Variants in NOS3 observed in about 807,000 individuals in gnomAD.
The protein encoded by NOS3 is NOS type III.
In NOS3, 98 loss-of-function variants were observed where a neutral mutation model predicts 144.9. That is an observed-to-expected ratio of 0.68 (90% confidence interval 0.57 to 0.80). The LOEUF (loss-of-function observed/expected upper bound fraction) is 0.80, where lower values mean the gene tolerates loss of function less well. Among genes scored for constraint, NOS3 ranks in the 30% least tolerant of loss-of-function variants. NOS3 has a pLI of 0.00. For synonymous variants in NOS3, 714 were observed against 702.4 expected, an observed-to-expected ratio of 1.02 and a Z score of -0.26; for missense variants, 1,465 against 1,656.4, an observed-to-expected ratio of 0.88 and a Z score of 2.01.
chr7:151,006,524 G>A, intron 15 of NOS3, 30 bp downstream of exon 15: 3 of 1,581,120 alleles, frequency 1.9e-6, no homozygotes, highest in Non-Finnish European at 2.6e-6. Flanking sequence ...GGGGGAGCTG[G>A]GGGAGCTGAT....
intron 9 of NOS3, 109 bp downstream of exon 9, chr7:150,999,473 A>G: frequency 1.6e-6 from 2 of 1,236,086 alleles, no homozygotes; most frequent in Non-Finnish European, 2.2e-6. Flanking sequence ...GAGCAGGTCC[A>G]GGGTTGCCTC....
At position 151,013,787 on chromosome 7, in the gene NOS3, G is replaced by C; in HGVS notation, c.3319G>C (p.Glu1107Gln). The change falls in exon 26 of 27, where the codon GAG (glutamate) becomes CAG (glutamine). Residue 1107 changes from glutamate to glutamine, a missense_variant. By Grantham distance (29) the Glu-to-Gln change is conservative. Transcript: ENST00000297494. ...AAEVHRVLCLERGHMFVCGDV... is the reference protein window; with the variant it reads ...AAEVHRVLCLQRGHMFVCGDV... ...GGAGGTGCACCGCGTGCTGTGCCTC[G>C]AGCGGGGCCACATGTTTGTCTGCGG... The C allele has an allele frequency of 1.2e-6, 2 of 1,611,402 alleles. No homozygotes were observed. Among genetic ancestry groups the C allele is most frequent in the African/African-American group, 1.3e-5 (1 of 75,028 alleles).
Position 151,014,124 on chromosome 7 carries a change from G to A in NOS3, c.3567G>A (p.Val1189=). ...AGGAGCGTCAGTTGCGGGGCGCAGT[G>A]CCCTGGGCGTTCGACCCTCCCGGCT... ...SLQERQLRGA[V]PWAFDPPGSD... is the part of the protein sequence containing the mutation. Residue 1189 remains valine, a synonymous_variant, in exon 27 of 27, where the codon GTG becomes GTA. Transcript: ENST00000297494. The A allele has an allele frequency of 6.2e-7, 1 of 1,612,340 alleles. No individual in the cohort carries two copies. Among genetic ancestry groups the A allele is most frequent in the Non-Finnish European group, 8.5e-7 (1 of 1,178,970 alleles).
In NOS3 at chr7:151,001,390, G is replaced by C. The variant is rs761850108; in HGVS notation, c.1393G>C (p.Val465Leu). 16 of 1,606,562 alleles carry C rather than the reference G, an allele frequency of 1.0e-5. No homozygotes were observed. The highest frequency in any genetic ancestry group is 1.3e-5 in the African/African-American group (1 of 74,794). The change falls in exon 11 of 27, where the codon GTC becomes CTC. Residue 465 changes from valine (V) to leucine (L), a missense_variant. Coordinates refer to ENST00000297494, the MANE Select transcript of NOS3 (RefSeq NM_000603.5). ...CACTCCTGTTTTCCATCAGGAGATG[G>C]TCAACTATTTCCTGTCCCCGGCCTT... ...SLTPVFHQEM[V>L]NYFLSPAFRY...
chr7:151,009,957 G>A (rs1416562511), intron 20 of NOS3, among the ~76,000 whole-genome samples, 158 bp from the exon 21 acceptor site: 2 of 152,168 alleles, frequency 1.3e-5, no homozygotes, highest in Non-Finnish European at 2.9e-5. Context: ...AACCCAGTCC[G>A]GCCAGGGGCC....
chr7:151,000,519 C>T lies in NOS3; in HGVS notation c.1153C>T (p.Leu385=), dbSNP rs950305549. 3 of 1,613,124 alleles carry T rather than the reference C, an allele frequency of 1.9e-6. No individual in the cohort carries two copies. The African/African-American group carries it at 4.0e-5, about 22-fold the overall frequency. ...CCAGGATGTGGCTGTCTGCATGGACCTGGATACCCGGACCACCTCGTCCCT... is the reference window on the plus strand; with the variant it reads ...CCAGGATGTGGCTGTCTGCATGGACTTGGATACCCGGACCACCTCGTCCCT... ...ILEDVAVCMD[L]DTRTTSSLWK... The change falls in exon 10 of 27, where the codon CTG becomes TTG. Residue 385 remains leucine, a synonymous_variant. Transcript: ENST00000297494.
intron 14 of NOS3, among the ~76,000 whole-genome samples, chr7:151,005,668 T>C (rs1795195513): frequency 6.6e-6 from 1 of 152,186 alleles, no homozygotes; most frequent in Non-Finnish European, 1.5e-5. Flanking sequence ...CATTTAAAAG[T>C]GGGAGCAAGG....
At chr7:151,011,232 T>C (rs1795297985) in intron 23 of NOS3, among the ~76,000 whole-genome samples, 1 of 152,106 alleles carries the variant, frequency 6.6e-6, no homozygotes, top group Non-Finnish European at 1.5e-5. Flanking sequence ...CGGCTGGCCC[T>C]GTGGCTTTCT....
chr7:151,014,043 C>G lies in NOS3; in HGVS notation c.3486C>G (p.Leu1162=). The change falls in exon 27 of 27, where the codon CTC becomes CTG. Residue 1162 remains leucine, a synonymous_variant. Transcript: ENST00000297494. Reference sequence around the variant, plus strand: ...GCTACCACGAAGACATTTTCGGGCTCACGCTGCGCACCCAGGAGGTGACAA... The same window carrying G: ...GCTACCACGAAGACATTTTCGGGCTGACGCTGCGCACCCAGGAGGTGACAA... ...QQRYHEDIFG[L]TLRTQEVTSR... 6.2e-7 allele frequency: 1 copy of G among 1,613,636 alleles called. No homozygotes were observed. The highest frequency in any genetic ancestry group is 8.5e-7 in the Non-Finnish European group (1 of 1,179,766).
chr7:151,011,858 T>C (rs1395565108), intron 23 of NOS3: 1 of 444,078 alleles, frequency 2.3e-6, no homozygotes, highest in East Asian at 7.6e-5. Flanking sequence ...CCTTCCTTCA[T>C]GCTGTGTCCA....
chr7:151,006,358 C>G (rs2117127036), intron 14 of NOS3, 69 bp from the exon 15 acceptor site: 1 of 1,053,540 alleles, frequency 9.5e-7, no homozygotes, highest in Non-Finnish European at 1.5e-6. Context: ...TCAGCTGGTA[C>G]AGTTTTAAAC....
intron 17 of NOS3, among the ~76,000 whole-genome samples, chr7:151,008,293 G>A (rs566387255): frequency 6.6e-6 from 1 of 152,192 alleles, no homozygotes; most frequent in East Asian, 1.9e-4. Flanking sequence ...AAAGATTAAC[G>A]GGACTTGGTG....
chr7:151,000,407 C>A lies in NOS3; in HGVS notation c.1132-91C>A, dbSNP rs1795063205. 2.5e-5 allele frequency: 21 copies of A among 851,248 alleles called. 1 individual carries two copies. In the South Asian group the frequency reaches 3.1e-4, roughly 12 times the overall value. 52.7% of individuals were successfully genotyped at this position (851,248 alleles called of 1,614,324 possible). A position where few individuals can be genotyped will look rare whatever the true frequency, so the allele number is the denominator to read the frequency against. ...ATGGACACCACTCACCTCACTCCTT[C>A]CAGCCATGTACGGGAAACAGAGATA... is the stretch of plus-strand genomic sequence containing the variant. On this transcript the variant is annotated intron_variant, in intron 9 of 26. Coordinates refer to ENST00000297494, the MANE Select transcript of NOS3 (RefSeq NM_000603.5).
At position 151,013,882 on chromosome 7, in the gene NOS3, G is replaced by T; in HGVS notation, c.3414G>T (p.Glu1138Asp). ...TCCTGGCGACGGAGGGCGACATGGAGCTGGACGAGGCCGGCGACGTCATCG... is the reference window on the plus strand; with the variant it reads ...TCCTGGCGACGGAGGGCGACATGGATCTGGACGAGGCCGGCGACGTCATCG... ...QRILATEGDMELDEAGDVIGV... is the reference protein window; with the variant it reads ...QRILATEGDMDLDEAGDVIGV... The change falls in exon 26 of 27, where the codon GAG becomes GAT. Residue 1138 changes from glutamate to aspartate, a missense_variant. By Grantham distance (45) the Glu-to-Asp change is conservative. Around this residue, in one of 5 missense-constraint regions of NOS3, gnomAD observed 228 missense variants for 227.7 expected, o/e 1.00. Coordinates refer to ENST00000297494, the MANE Select transcript of NOS3 (RefSeq NM_000603.5). 1.2e-6 allele frequency: 2 copies of T among 1,601,510 alleles called. No homozygotes were observed. Among genetic ancestry groups the T allele is most frequent in the Non-Finnish European group, 1.7e-6 (2 of 1,174,448 alleles).
At position 151,006,949 on chromosome 7, in the gene NOS3, G is replaced by A; in HGVS notation, c.1881G>A (p.Arg627=). 5 of 1,614,120 alleles carry A rather than the reference G, an allele frequency of 3.1e-6. No individual in the cohort carries two copies. Among genetic ancestry groups the A allele is most frequent in the Non-Finnish European group, 4.2e-6 (5 of 1,179,998 alleles). The change falls in exon 16 of 27, where the codon CGG becomes CGA. Residue 627 remains arginine, a synonymous_variant. Coordinates refer to ENST00000297494, the MANE Select transcript of NOS3 (RefSeq NM_000603.5). ...SCSDPLVSSW[R]RKRKESSNTD... Reference sequence around the variant, plus strand: ...CAGACCCACTGGTGTCCTCTTGGCGGCGGAAGAGGAAGGAGTCCAGTAACA... The same window carrying A: ...CAGACCCACTGGTGTCCTCTTGGCGACGGAAGAGGAAGGAGTCCAGTAACA...
At chr7:151,001,107 C>G in intron 10 of NOS3, 124 bp from the exon 11 acceptor site, 1 of 904,468 alleles carries the variant, frequency 1.1e-6, no homozygotes, top group Non-Finnish European at 1.7e-6. Context: ...TGAGGGGACA[C>G]AGGGTGTGTT....
rs935006396 is a variant in NOS3, at chr7:151,006,627, C to A, written c.1820+133C>A. The A allele has an allele frequency of 3.0e-5, 24 of 793,848 alleles. No individual in the cohort carries two copies. The African/African-American group carries it at 4.2e-4, about 14-fold the overall frequency. The allele number at this position is 793,848 out of a possible 1,614,324, so 49.2% of individuals were successfully genotyped here. Reference sequence around the variant, plus strand: ...ACCAAAAGCCAGGGCTCCAGGATGCCCTCCATTCCAGGCTGCAATGGCAGT... The same window carrying A: ...ACCAAAAGCCAGGGCTCCAGGATGCACTCCATTCCAGGCTGCAATGGCAGT... On this transcript the variant is annotated intron_variant, in intron 15 of 26. Coordinates refer to ENST00000297494, the MANE Select transcript of NOS3 (RefSeq NM_000603.5).
At chr7:150,999,646 CTG>C (rs895833828) in intron 9 of NOS3, among the ~76,000 whole-genome samples, 1 of 121,248 alleles carries the variant, frequency 8.2e-6, no homozygotes. Context: ...GGGTGTGAGA[CTG>C]TGGGTTTGTA....
At chr7:150,997,756 A>G (rs540203327) in intron 5 of NOS3, among the ~76,000 whole-genome samples, 9 of 152,346 alleles carry the variant, frequency 5.9e-5, no homozygotes, top group African/African-American at 2.2e-4. Flanking sequence ...CTGAGCTGCC[A>G]TAGTGGACCC....
Sources: gnomAD v4.1 joint callset for allele counts (sites outside exome capture counted in the v4.1 genomes callset) on GRCh38, gnomAD v4.1.1 for gene constraint, gnomAD v4.1.1 regional missense constraint, MANE v1.5 for transcripts, NCBI Gene and HGNC (gene_info 2026-07-23, HGNC 2026-07-21) for gene names.